VWA8: variants seen among roughly 807,000 people sequenced by gnomAD.
The protein encoded by VWA8 is von Willebrand factor A domain containing 8.
In VWA8, 221 loss-of-function variants were observed where a neutral mutation model predicts 241.5. The observed-to-expected ratio is 0.91, with a 90% CI of 0.82 to 1.02. The LOEUF (loss-of-function observed/expected upper bound fraction) is 1.02, where lower values mean the gene tolerates loss of function less well. Among genes scored for constraint, VWA8 ranks in the 50% least tolerant of loss-of-function variants. The pLI is 0.00. For synonymous variants in VWA8, 852 were observed against 827.1 expected (o/e 1.03, Z -0.52); for missense variants, 2,322 against 2,328.7 (o/e 1.00, Z 0.06).
chr13:41,759,370 T>G (rs2045723173), intron 21 of VWA8, among the ~76,000 whole-genome samples: 1 of 151,738 alleles, frequency 6.6e-6, no homozygotes, highest in African/African-American at 2.4e-5. Context: ...TTCTCTTGGT[T>G]TTTAGCAATT....
rs369150480 is a variant in VWA8, at chr13:41,783,921, C to A, written c.2171-20G>T. 23 of 1,594,450 alleles carry A rather than the reference C, an allele frequency of 1.4e-5. No individual in the cohort carries two copies. In the East Asian group the frequency reaches 5.1e-4, roughly 36 times the overall value. ...CTTCACCTAAACATTTCACACAGGA[C>A]GGATAATTATTCATAGCACTGTCCT... On this transcript the variant is annotated intron_variant, in intron 18 of 44. Coordinates refer to ENST00000379310, the MANE Select transcript of VWA8 (RefSeq NM_015058.2).
intron 12 of VWA8, among the ~76,000 whole-genome samples, chr13:41,840,416 T>G (rs907801911): frequency 1.3e-5 from 2 of 151,814 alleles, no homozygotes; most frequent in Admixed American, 1.3e-4. Context: ...TGTATACCTA[T>G]GTAACAAACC....
At chr13:41,571,334 C>CTCGCCCG (rs2044302076) in intron 43 of VWA8, among the ~76,000 whole-genome samples, 1 of 138,916 alleles carries the variant, frequency 7.2e-6, no homozygotes. Context: ...TCCCGTCTCC[C>CTCGCCCG]TCTCCCTCTC....
chr13:41,911,038 G>A (rs981716603), intron 3 of VWA8, among the ~76,000 whole-genome samples: 10 of 151,212 alleles, frequency 6.6e-5, no homozygotes, highest in Non-Finnish European at 8.8e-5. Flanking sequence ...ACAAAATAGC[G>A]GAAAACATTT....
chr13:41,739,109 G>T (rs2045547279), intron 21 of VWA8, among the ~76,000 whole-genome samples: 1 of 152,074 alleles, frequency 6.6e-6, no homozygotes, highest in African/African-American at 2.4e-5. Flanking sequence ...GAGATTGGAG[G>T]AGTATCTGTG....
intron 4 of VWA8, among the ~76,000 whole-genome samples, chr13:41,901,178 T>A (rs1014130079): frequency 2.0e-5 from 3 of 147,616 alleles, no homozygotes; most frequent in Admixed American, 6.8e-5. Context: ...AATGACTCAA[T>A]CATAGCTCAC....
At chr13:41,647,640 G>A (rs988624391) in intron 37 of VWA8, among the ~76,000 whole-genome samples, 19 of 152,192 alleles carry the variant, frequency 1.2e-4, no homozygotes, top group African/African-American at 4.3e-4. Flanking sequence ...AATCAGCTTT[G>A]AAACCATGAG....
chr13:41,876,019 G>GT (rs1433953063), intron 9 of VWA8, among the ~76,000 whole-genome samples: 1 of 151,918 alleles, frequency 6.6e-6, no homozygotes, highest in African/African-American at 2.4e-5. Context: ...CCTTAACTCT[G>GT]TATCAACCCT....
intron 6 of VWA8, 123 bp from the exon 7 acceptor site, chr13:41,886,953 A>C (rs537680077): frequency 1.1e-6 from 1 of 892,506 alleles, no homozygotes; most frequent in South Asian, 2.0e-5. Context: ...ACAGCAAAAA[A>C]TCATTTATTG....
intron 41 of VWA8, among the ~76,000 whole-genome samples, chr13:41,589,679 C>T (rs1182036292): frequency 6.6e-6 from 1 of 152,168 alleles, no homozygotes; most frequent in Non-Finnish European, 1.5e-5. Flanking sequence ...TACTCTGGGC[C>T]CTTCCCTGAG....
intron 22 of VWA8, 121 bp from the exon 23 acceptor site, chr13:41,729,798 G>GACACAC (rs59345894): frequency 0.02 from 8,664 of 443,932 alleles, 129 homozygotes; most frequent in African/African-American, 0.048. Context: ...TATACACGTA[G>GACACAC]ACACACACAC....
At chr13:41,701,572 C>T (rs759693791) in intron 27 of VWA8, 42 bp from the exon 28 acceptor site, 1 of 1,484,812 alleles carries the variant, frequency 6.7e-7, no homozygotes, top group South Asian at 1.4e-5. Context: ...TTTTGGTTGT[C>T]ACCAAAATGT....
At chr13:41,850,604 G>A (rs767733434) in intron 12 of VWA8, among the ~76,000 whole-genome samples, 8 of 152,180 alleles carry the variant, frequency 5.3e-5, no homozygotes, top group Non-Finnish European at 7.3e-5. Context: ...CACCTGCAGA[G>A]TCAGGCACCA....
intron 5 of VWA8, among the ~76,000 whole-genome samples, chr13:41,889,164 T>C (rs1874693689): frequency 6.6e-6 from 1 of 152,142 alleles, no homozygotes; most frequent in South Asian, 2.1e-4. Flanking sequence ...TAAGTTATGG[T>C]GTTAGAATCT....
intron 4 of VWA8, among the ~76,000 whole-genome samples, chr13:41,902,197 A>C (rs1333612284): frequency 2.0e-5 from 3 of 152,100 alleles, no homozygotes; most frequent in Admixed American, 6.6e-5. Flanking sequence ...CTATCTGATG[A>C]AATATTGTAC....
intron 21 of VWA8, among the ~76,000 whole-genome samples, chr13:41,738,697 T>C (rs149766349): frequency 6.3e-4 from 96 of 152,308 alleles, no homozygotes; most frequent in African/African-American, 2.2e-3. Context: ...GCATTCAACA[T>C]GACCTAATTT....
At chr13:41,761,303 C>T (rs1487091491) in intron 20 of VWA8, 99 bp from the exon 21 acceptor site, 2 of 1,133,060 alleles carry the variant, frequency 1.8e-6, no homozygotes, top group Non-Finnish European at 2.6e-6. Flanking sequence ...TGCTTTCTCA[C>T]CTTGTTACTG....
At chr13:41,716,005 C>T (rs1200913304) in intron 26 of VWA8, among the ~76,000 whole-genome samples, 1 of 151,984 alleles carries the variant, frequency 6.6e-6, no homozygotes, top group Non-Finnish European at 1.5e-5. Flanking sequence ...AATACTTTCT[C>T]CCGTATACTT....
At chr13:41,659,763 T>C (rs1349460175) in intron 37 of VWA8, among the ~76,000 whole-genome samples, 1 of 152,198 alleles carries the variant, frequency 6.6e-6, no homozygotes, top group Non-Finnish European at 1.5e-5. Flanking sequence ...TATGTTCAAA[T>C]TGGTGACTTC....
Sources: allele counts gnomAD v4.1 joint callset (sites outside exome capture counted in the v4.1 genomes callset), GRCh38; gene constraint gnomAD v4.1.1; transcripts MANE v1.5; gene names NCBI Gene and HGNC (gene_info 2026-07-23, HGNC 2026-07-21).